The following DTNB variants were observed in gnomAD, a reference collection of about 807,000 sequenced individuals.
DTNB encodes the protein dystrobrevin beta.
DTNB carries 63 observed loss-of-function variants against 90.7 expected under a neutral mutation model. The observed-to-expected ratio is 0.69, with a 90% CI of 0.57 to 0.86. The LOEUF is 0.86. Ranked by LOEUF, DTNB falls within the 40% of genes least tolerant of loss-of-function variation. The pLI is 0.00. For synonymous variants in DTNB, 277 were observed against 286.7 expected (o/e 0.97, Z 0.34); for missense variants, 744 against 807.1 (o/e 0.92, Z 0.95).
intron 9 of DTNB, among the ~76,000 whole-genome samples, chr2:25,514,533 T>A (rs777029794): frequency 6.8e-6 from 1 of 146,048 alleles, no homozygotes; most frequent in East Asian, 2.1e-4. Context: ...CTGGGTTATG[T>A]CATAGGACAA....
intron 5 of DTNB, among the ~76,000 whole-genome samples, chr2:25,598,350 A>T (rs183425866): frequency 4.8e-4 from 73 of 152,324 alleles, no homozygotes; most frequent in Admixed American, 7.8e-4. Context: ...GATGAACATG[A>T]AGTTACCATA....
At chr2:25,622,192 C>T (rs2072899291) in intron 4 of DTNB, among the ~76,000 whole-genome samples, 3 of 152,066 alleles carry the variant, frequency 2.0e-5, no homozygotes. Context: ...AGTATAAGAG[C>T]AATCTGGCCG....
chr2:25,649,232 C>A (rs2080271004), intron 2 of DTNB, among the ~76,000 whole-genome samples: 1 of 151,996 alleles, frequency 6.6e-6, no homozygotes, highest in Non-Finnish European at 1.5e-5. Flanking sequence ...GTCTCAATCT[C>A]CTGATCTCAC....
chr2:25,462,804 C>T (rs951938255), intron 10 of DTNB, among the ~76,000 whole-genome samples: 10 of 151,932 alleles, frequency 6.6e-5, no homozygotes, highest in African/African-American at 9.7e-5. Flanking sequence ...CCCGGGTTCA[C>T]GCCATTCTCC....
chr2:25,604,170 C>A (rs763618871), intron 5 of DTNB, among the ~76,000 whole-genome samples: 1 of 152,040 alleles, frequency 6.6e-6, no homozygotes, highest in Non-Finnish European at 1.5e-5. Context: ...AAAGGACATA[C>A]ACAAACCACT....
chr2:25,603,560 C>T (rs1039308698), intron 5 of DTNB, among the ~76,000 whole-genome samples: 1 of 151,752 alleles, frequency 6.6e-6, no homozygotes, highest in South Asian at 2.1e-4. Flanking sequence ...CATTCAAATG[C>T]TATCTTGATA....
At chr2:25,419,005 T>C (rs1273011001) in intron 16 of DTNB, 1 of 157,028 alleles carries the variant, frequency 6.4e-6, no homozygotes, top group Non-Finnish European at 1.4e-5. Flanking sequence ...CAGGAAATCA[T>C]TGCAAGTGGA....
At chr2:25,524,966 T>C (rs921614866) in intron 9 of DTNB, among the ~76,000 whole-genome samples, 2 of 152,212 alleles carry the variant, frequency 1.3e-5, no homozygotes, top group Non-Finnish European at 2.9e-5. Flanking sequence ...CTTACAGGAT[T>C]TCTCCATACA....
At chr2:25,564,252 A>T (rs1301876483) in intron 8 of DTNB, among the ~76,000 whole-genome samples, 1 of 152,250 alleles carries the variant, frequency 6.6e-6, no homozygotes, top group East Asian at 1.9e-4. Flanking sequence ...GGTTATGCAG[A>T]AAAGCAGTTG....
intron 19 of DTNB, chr2:25,383,556 G>A (rs971779069): frequency 1.5e-5 from 8 of 549,022 alleles, no homozygotes; most frequent in Non-Finnish European, 2.2e-5. Flanking sequence ...AACTTCTCCA[G>A]TCAAAGGGTC....
chr2:25,460,105 A>C (rs1227933544), intron 10 of DTNB, among the ~76,000 whole-genome samples: 1 of 152,138 alleles, frequency 6.6e-6, no homozygotes, highest in African/African-American at 2.4e-5. Flanking sequence ...AGAATCTTGA[A>C]CAAATTTCCA....
intron 12 of DTNB, among the ~76,000 whole-genome samples, chr2:25,445,225 T>C (rs1386557173): frequency 2.0e-5 from 3 of 151,746 alleles, no homozygotes; most frequent in Non-Finnish European, 4.4e-5. Context: ...CAAGTTTATT[T>C]ATACATTTTA....
chr2:25,478,381 A>G (rs1297501189), intron 10 of DTNB, among the ~76,000 whole-genome samples: 1 of 152,150 alleles, frequency 6.6e-6, no homozygotes, highest in Non-Finnish European at 1.5e-5. Flanking sequence ...GCCTTATGTG[A>G]AGAAGGAAAA....
chr2:25,587,689 T>C (rs1374507625), intron 6 of DTNB, among the ~76,000 whole-genome samples: 2 of 152,236 alleles, frequency 1.3e-5, no homozygotes, highest in African/African-American at 4.8e-5. Context: ...GTCATTTCTA[T>C]GTAAGGATTC....
intron 4 of DTNB, among the ~76,000 whole-genome samples, chr2:25,612,898 A>G (rs986912589): frequency 2.0e-5 from 3 of 152,210 alleles, no homozygotes; most frequent in African/African-American, 7.2e-5. Context: ...GAATAGACCC[A>G]TATCCATTAC....
At chr2:25,385,921 A>G (rs2039343729) in intron 18 of DTNB, 1 of 677,428 alleles carries the variant, frequency 1.5e-6, no homozygotes, top group Non-Finnish European at 1.8e-6. Context: ...ATGAAGTACA[A>G]GTGTAGTTAA....
intron 8 of DTNB, among the ~76,000 whole-genome samples, chr2:25,538,159 G>A (rs1175132397): frequency 6.6e-6 from 1 of 152,078 alleles, no homozygotes; most frequent in Non-Finnish European, 1.5e-5. Flanking sequence ...AAGGTGGGAG[G>A]ATCACTTGAG....
intron 8 of DTNB, among the ~76,000 whole-genome samples, chr2:25,540,442 T>C (rs1226126498): frequency 2.6e-5 from 4 of 152,208 alleles, no homozygotes; most frequent in Non-Finnish European, 5.9e-5. Flanking sequence ...TGATAAAACA[T>C]ACATAGCATA....
At chr2:25,565,437 A>G (rs1156626168) in intron 8 of DTNB, among the ~76,000 whole-genome samples, 1 of 151,832 alleles carries the variant, frequency 6.6e-6, no homozygotes, top group East Asian at 1.9e-4. Flanking sequence ...TTTGGTAGAG[A>G]TAGCGTTTCA....
Sources: gnomAD v4.1 joint callset for allele counts (sites outside exome capture counted in the v4.1 genomes callset) on GRCh38, gnomAD v4.1.1 for gene constraint, MANE v1.5 for transcripts, NCBI Gene and HGNC (gene_info 2026-07-23, HGNC 2026-07-21) for gene names.